Variants in CNIH3 observed in about 807,000 individuals in gnomAD.
CNIH3 encodes the protein protein cornichon homolog 3.
CNIH3 carries 14 observed loss-of-function variants against 24.1 expected under a neutral mutation model. That is an observed-to-expected ratio of 0.58 (90% confidence interval 0.38 to 0.91). CNIH3 has a LOEUF of 0.91. Among genes scored for constraint, CNIH3 ranks in the 40% least tolerant of loss-of-function variants. CNIH3 has a pLI of 0.00. For missense variants in CNIH3, 178 were observed against 196.8 expected (o/e 0.90, Z 0.57); for synonymous variants, 68 against 73.8 (o/e 0.92, Z 0.40).
intron 2 of CNIH3, chr1:224,529,514 A>G (rs1323277273): frequency 1.3e-5 from 2 of 152,182 alleles, no homozygotes; most frequent in African/African-American, 4.8e-5. Context: ...AGTACTCAAT[A>G]TTAGCAAAAA....
At chr1:224,734,506 C>T (rs1347817578) in intron 4 of CNIH3, 57 bp from the exon 5 acceptor site, 12 of 1,586,320 alleles carry the variant, frequency 7.6e-6, no homozygotes, top group African/African-American at 1.3e-5. Context: ...AGGGTTTGCC[C>T]AGGTTACGCC....
At chr1:224,563,773 A>G (rs1558163584) in intron 3 of CNIH3, among the ~76,000 whole-genome samples, 1 of 152,174 alleles carries the variant, frequency 6.6e-6, no homozygotes, top group East Asian at 1.9e-4. Context: ...AAAGAACCAG[A>G]TGGTTCAAAG....
rs567882376 is a variant in CNIH3, at chr1:224,548,290, C to T, written n.450+1351C>T. Among the ~76,000 whole-genome samples the T allele has an allele frequency of 5.9e-5, 9 of 152,004 alleles. No individual in the cohort carries two copies. In the South Asian group the frequency reaches 1.5e-3, roughly 25 times the overall value. On this transcript the variant is annotated intron_variant and non_coding_transcript_variant, in intron 3 of 5. Transcript: ENST00000471578. ...AATTAATGTACACCCTATGTGTACA[C>T]CTTGTGATATTACTCGCAATATCAA...
chr1:224,440,909 C>T (rs972826063), intron 1 of CNIH3, among the ~76,000 whole-genome samples: 22 of 151,930 alleles, frequency 1.4e-4, no homozygotes, highest in African/African-American at 2.4e-4. Context: ...CTCTGCCTCC[C>T]GGGTTCACAC....
intron 1 of CNIH3, among the ~76,000 whole-genome samples, chr1:224,501,161 C>T (rs543629376): frequency 5.9e-5 from 9 of 152,092 alleles, no homozygotes; most frequent in Non-Finnish European, 1.3e-4. Flanking sequence ...ACTAATTCTG[C>T]TTTGTTTTAT....
chr1:224,563,405 G>A (rs116186310), intron 3 of CNIH3, among the ~76,000 whole-genome samples: 2,184 of 151,902 alleles, frequency 0.014, 57 homozygotes, highest in African/African-American at 0.05. Flanking sequence ...AGGAATGATC[G>A]TTATGGGTGG....
At chr1:224,529,375 A>G (rs1418752464) in intron 2 of CNIH3, 1 of 152,214 alleles carries the variant, frequency 6.6e-6, no homozygotes, top group Non-Finnish European at 1.5e-5. Context: ...GCATCTTTGC[A>G]AGAGAGGATG....
chr1:224,465,280 T>C (rs1676109083), intron 1 of CNIH3, among the ~76,000 whole-genome samples: 1 of 152,204 alleles, frequency 6.6e-6, no homozygotes, highest in Non-Finnish European at 1.5e-5. Flanking sequence ...TGACTGATTT[T>C]GTATTTTTAG....
At chr1:224,662,583 T>C (rs1249698238) in intron 1 of CNIH3, among the ~76,000 whole-genome samples, 1 of 152,256 alleles carries the variant, frequency 6.6e-6, no homozygotes, top group Non-Finnish European at 1.5e-5. Flanking sequence ...AAAACATTTC[T>C]GTTTTAATCT....
chr1:224,585,265 A>G (rs144396393), intron 5 of CNIH3, among the ~76,000 whole-genome samples: 6 of 152,188 alleles, frequency 3.9e-5, no homozygotes, highest in Non-Finnish European at 7.4e-5. Flanking sequence ...TAACGTCTCA[A>G]TGTCTCCTCT....
At chr1:224,547,687 C>G (rs1324939454) in intron 3 of CNIH3, among the ~76,000 whole-genome samples, 1 of 151,736 alleles carries the variant, frequency 6.6e-6, no homozygotes, top group Non-Finnish European at 1.5e-5. Context: ...GGGTGTACAC[C>G]CCATGATATT....
chr1:224,607,371 A>G (rs528131612), intron 3 of CNIH3, among the ~76,000 whole-genome samples: 2 of 152,308 alleles, frequency 1.3e-5, no homozygotes, highest in East Asian at 3.9e-4. Flanking sequence ...ATTTAAAGGG[A>G]AAAGAGCAGG....
Position 224,694,447 on chromosome 1 carries a change from A to G in CNIH3, c.198+9604A>G, listed in dbSNP as rs1199795362. Among the ~76,000 whole-genome samples, 4 of 152,332 alleles carry G rather than the reference A, an allele frequency of 2.6e-5. No homozygotes were observed. The East Asian group carries it at 7.7e-4, about 29-fold the overall frequency. ...GTTGAATCTGGATTGATGATTAAAC[A>G]TACGACTCCGCAAGGTAGATTCCTA... is the stretch of plus-strand genomic sequence containing the variant. On this transcript the variant is annotated intron_variant, in intron 3 of 5. Transcript: ENST00000272133.
At chr1:224,578,331 A>G (rs139662890) in intron 4 of CNIH3, among the ~76,000 whole-genome samples, 1 of 152,318 alleles carries the variant, frequency 6.6e-6, no homozygotes, top group Non-Finnish European at 1.5e-5. Context: ...ATCTGCCTTC[A>G]GTACTTAAAC....
At chr1:224,608,473 G>A (rs960633003) in intron 3 of CNIH3, among the ~76,000 whole-genome samples, 5 of 152,146 alleles carry the variant, frequency 3.3e-5, no homozygotes, top group African/African-American at 7.2e-5. Flanking sequence ...GGTCGTAATC[G>A]ATTGAGCAAG....
At chr1:224,438,070 A>G (rs1674743703) in intron 1 of CNIH3, among the ~76,000 whole-genome samples, 2 of 151,644 alleles carry the variant, frequency 1.3e-5, no homozygotes, top group Admixed American at 6.6e-5. Flanking sequence ...CCACCACCAC[A>G]CCCGGCTAAT....
intron 3 of CNIH3, among the ~76,000 whole-genome samples, chr1:224,553,063 G>A (rs1049606293): frequency 6.7e-6 from 1 of 149,362 alleles, no homozygotes; most frequent in East Asian, 2.0e-4. Flanking sequence ...TGTATACACA[G>A]GGTGTACACC....
intron 3 of CNIH3, among the ~76,000 whole-genome samples, chr1:224,689,071 G>A (rs1686803151): frequency 6.6e-6 from 1 of 152,096 alleles, no homozygotes; most frequent in Admixed American, 6.5e-5. Context: ...CTTGTAGTCT[G>A]TATTTCAACC....
chr1:224,496,595 G>A (rs996682269), intron 1 of CNIH3, among the ~76,000 whole-genome samples: 1 of 152,176 alleles, frequency 6.6e-6, no homozygotes, highest in East Asian at 1.9e-4. Flanking sequence ...GCCCAGGAAG[G>A]TGCTGCTGCT....
Sources: allele counts gnomAD v4.1 joint callset (sites outside exome capture counted in the v4.1 genomes callset), GRCh38; gene constraint gnomAD v4.1.1; transcripts MANE v1.5; gene names NCBI Gene and HGNC (gene_info 2026-07-23, HGNC 2026-07-21).